The following DAB1 variants were observed in gnomAD, a reference collection of about 807,000 sequenced individuals.
The protein encoded by DAB1 is disabled homolog 1.
DAB1 carries 15 observed loss-of-function variants against 64.6 expected under a neutral mutation model. The ratio of observed to expected loss-of-function variants is 0.23; its 90% CI spans 0.16 to 0.36. The LOEUF (loss-of-function observed/expected upper bound fraction) is 0.36, where lower values mean the gene tolerates loss of function less well. DAB1 is among the 10% of genes least tolerant of loss of function. The pLI is 1.00. For missense variants in DAB1, 596 were observed against 706.7 expected, an observed-to-expected ratio of 0.84 and a Z score of 1.78; for synonymous variants, 235 against 251.9, an observed-to-expected ratio of 0.93 and a Z score of 0.64.
chr1:57,803,683 A>C (rs868486731), intron 6 of DAB1, among the ~76,000 whole-genome samples: 2 of 152,242 alleles, frequency 1.3e-5, no homozygotes, highest in Non-Finnish European at 2.9e-5. Context: ...GTTTTAGTGC[A>C]TTAGACTTGT....
intron 6 of DAB1, among the ~76,000 whole-genome samples, chr1:57,795,494 T>C (rs926843433): frequency 7.3e-5 from 11 of 151,674 alleles, no homozygotes; most frequent in African/African-American, 2.2e-4. Flanking sequence ...AGGTAGAGGA[T>C]AGATCAAGAA....
intron 2 of DAB1, among the ~76,000 whole-genome samples, chr1:57,172,612 G>T (rs1361243205): frequency 6.6e-6 from 1 of 152,144 alleles, no homozygotes; most frequent in Non-Finnish European, 1.5e-5. Context: ...TCTACACATG[G>T]TGTAAGGTGA....
chr1:57,294,230 G>C (rs992905393), intron 1 of DAB1, among the ~76,000 whole-genome samples: 1 of 152,158 alleles, frequency 6.6e-6, no homozygotes, highest in Admixed American at 6.5e-5. Context: ...GGCTTGCCTG[G>C]AATTTTGAAA....
intron 7 of DAB1, among the ~76,000 whole-genome samples, chr1:57,640,904 T>C (rs779859645): frequency 1.3e-5 from 2 of 152,148 alleles, no homozygotes; most frequent in Admixed American, 6.5e-5. Context: ...AATGCACTTA[T>C]AGAAGGAGAC....
intron 7 of DAB1, among the ~76,000 whole-genome samples, chr1:57,504,536 T>G (rs781071933): frequency 2.5e-4 from 38 of 152,202 alleles, no homozygotes; most frequent in Non-Finnish European, 4.7e-4. Context: ...TCCATACTGA[T>G]ATACAAAAAT....
intron 7 of DAB1, among the ~76,000 whole-genome samples, chr1:57,526,921 G>A (rs1644600070): frequency 6.6e-6 from 1 of 152,036 alleles, no homozygotes; most frequent in Non-Finnish European, 1.5e-5. Flanking sequence ...TATATTATGA[G>A]TATTTAATAC....
chr1:58,258,319 A>G (rs962956695), intron 4 of DAB1, among the ~76,000 whole-genome samples: 1 of 152,252 alleles, frequency 6.6e-6, no homozygotes, highest in African/African-American at 2.4e-5. Context: ...AATCTGTTTC[A>G]GGACTTCAGT....
chr1:57,380,616 A>G (rs1291323289), intron 1 of DAB1, among the ~76,000 whole-genome samples: 1 of 152,244 alleles, frequency 6.6e-6, no homozygotes, highest in African/African-American at 2.4e-5. Flanking sequence ...TTGCATGCCA[A>G]CAATGGGAAT....
chr1:57,167,399 T>C (rs1034676732), intron 2 of DAB1, among the ~76,000 whole-genome samples: 1 of 152,146 alleles, frequency 6.6e-6, no homozygotes, highest in Admixed American at 6.6e-5. Context: ...AGTCACCCCT[T>C]GTATGCTTCT....
intron 2 of DAB1, among the ~76,000 whole-genome samples, chr1:57,205,562 C>T (rs568522143): frequency 1.1e-4 from 17 of 152,288 alleles, no homozygotes; most frequent in Non-Finnish European, 1.9e-4. Context: ...AAGAGTGATT[C>T]ATCAACTACT....
intron 5 of DAB1, among the ~76,000 whole-genome samples, chr1:57,894,032 G>A (rs187860312): frequency 5.8e-4 from 89 of 152,226 alleles, no homozygotes; most frequent in Admixed American, 2.5e-3. Context: ...GCTCTCCCAA[G>A]CACTAGCAGG....
chr1:58,117,462 G>C (rs569066686), intron 5 of DAB1, among the ~76,000 whole-genome samples: 1 of 152,212 alleles, frequency 6.6e-6, no homozygotes, highest in East Asian at 1.9e-4. Flanking sequence ...TGAAGCTCCT[G>C]CAGCAAACAC....
chr1:58,079,189 C>T (rs1471518934), intron 5 of DAB1, among the ~76,000 whole-genome samples: 1 of 152,170 alleles, frequency 6.6e-6, no homozygotes, highest in Non-Finnish European at 1.5e-5. Context: ...TGAGGTGTCC[C>T]CACAGGACAC....
intron 3 of DAB1, among the ~76,000 whole-genome samples, chr1:58,479,401 G>A (rs1477917838): frequency 1.3e-5 from 2 of 152,122 alleles, no homozygotes; most frequent in Non-Finnish European, 2.9e-5. Flanking sequence ...AATAATCCCT[G>A]AGAAACATAA....
chr1:57,527,998 TCAAG>T (rs149642730), intron 7 of DAB1, among the ~76,000 whole-genome samples: 1,871 of 152,112 alleles, frequency 0.012, 48 homozygotes, highest in African/African-American at 0.04. Context: ...AAGAGAAAAC[TCAAG>T]CAAAGAAAAT....
At chr1:58,474,852 T>C (rs1405369262) in intron 3 of DAB1, among the ~76,000 whole-genome samples, 1 of 152,200 alleles carries the variant, frequency 6.6e-6, no homozygotes, top group Non-Finnish European at 1.5e-5. Context: ...CTGTGTGACC[T>C]CGGTAAAGTT....
intron 5 of DAB1, among the ~76,000 whole-genome samples, chr1:57,972,435 G>C (rs1440434742): frequency 1.3e-5 from 2 of 152,064 alleles, no homozygotes. Context: ...TAGAGACAGA[G>C]TCTTGCTATG....
intron 5 of DAB1, among the ~76,000 whole-genome samples, chr1:57,897,631 A>G (rs72918589): frequency 0.011 from 1,615 of 152,264 alleles, 22 homozygotes; most frequent in African/African-American, 0.036. Context: ...CTCATCCCCC[A>G]GGGCCAATAT....
intron 7 of DAB1, among the ~76,000 whole-genome samples, chr1:57,626,381 C>T (rs763598791): frequency 5.3e-5 from 8 of 152,196 alleles, no homozygotes; most frequent in Non-Finnish European, 8.8e-5. Flanking sequence ...ACCATACTCA[C>T]ACCACAGAGG....
Sources: gnomAD v4.1 joint callset for allele counts (sites outside exome capture counted in the v4.1 genomes callset) on GRCh38, gnomAD v4.1.1 for gene constraint, MANE v1.5 for transcripts, NCBI Gene and HGNC (gene_info 2026-07-23, HGNC 2026-07-21) for gene names.